The following KCNH1 variants were observed in gnomAD, a reference collection of about 807,000 sequenced individuals.
The protein encoded by KCNH1 is potassium voltage-gated channel subfamily H member 1.
A neutral mutation model predicts 69.2 loss-of-function variants in KCNH1; 27 were observed. The observed-to-expected ratio is 0.39, with a 90% confidence interval of 0.29 to 0.54. The LOEUF (loss-of-function observed/expected upper bound fraction) is 0.54. Ranked by LOEUF, KCNH1 falls within the 20% of genes least tolerant of loss-of-function variation. KCNH1 has a pLI of 0.68. For synonymous variants in KCNH1, 456 were observed against 487.7 expected, an observed-to-expected ratio of 0.93 and a Z score of 0.86; for missense variants, 798 against 1,261.6, an observed-to-expected ratio of 0.63 and a Z score of 5.57.
At chr1:211,108,506 C>T (rs537442903) in intron 1 of KCNH1, 2 of 152,150 alleles carry the variant, frequency 1.3e-5, no homozygotes, top group South Asian at 4.1e-4. Flanking sequence ...GGTAACCATC[C>T]CTTCAGATAG....
At chr1:210,815,157 A>G (rs1684788052) in intron 7 of KCNH1, among the ~76,000 whole-genome samples, 1 of 152,204 alleles carries the variant, frequency 6.6e-6, no homozygotes, top group South Asian at 2.1e-4. Flanking sequence ...TGAGACCGAG[A>G]AATTTGTTCT....
At chr1:211,066,358 T>C (rs1690530843) in intron 5 of KCNH1, among the ~76,000 whole-genome samples, 1 of 152,202 alleles carries the variant, frequency 6.6e-6, no homozygotes, top group Admixed American at 6.5e-5. Context: ...TGGATGTTTT[T>C]GGATTTTGGA....
At chr1:210,752,793 C>G (rs1419178645) in intron 10 of KCNH1, among the ~76,000 whole-genome samples, 1 of 152,066 alleles carries the variant, frequency 6.6e-6, no homozygotes, top group Admixed American at 6.5e-5. Flanking sequence ...ACCCTGGTAC[C>G]TATGAATGTG....
intron 6 of KCNH1, among the ~76,000 whole-genome samples, chr1:211,016,193 T>G (rs1689486954): frequency 6.6e-6 from 1 of 152,146 alleles, no homozygotes; most frequent in African/African-American, 2.4e-5. Flanking sequence ...TACAGTTTGT[T>G]TGGAAGGAGT....
chr1:210,984,807 T>G (rs1688796183), intron 6 of KCNH1, among the ~76,000 whole-genome samples: 1 of 152,186 alleles, frequency 6.6e-6, no homozygotes, highest in South Asian at 2.1e-4. Flanking sequence ...ATAAAATGAG[T>G]TAGGGAGGAT....
chr1:210,998,015 C>T (rs978086770), intron 6 of KCNH1, among the ~76,000 whole-genome samples: 1 of 152,110 alleles, frequency 6.6e-6, no homozygotes, highest in Non-Finnish European at 1.5e-5. Flanking sequence ...GAAGGAAGCA[C>T]TAAACATGGA....
At chr1:211,072,488 A>G (rs1426938701) in intron 5 of KCNH1, among the ~76,000 whole-genome samples, 1 of 152,220 alleles carries the variant, frequency 6.6e-6, no homozygotes, top group Non-Finnish European at 1.5e-5. Context: ...ATTTTTAACT[A>G]ATCTAACAGA....
intron 6 of KCNH1, among the ~76,000 whole-genome samples, chr1:210,962,501 T>C (rs1177586278): frequency 1.3e-5 from 2 of 152,148 alleles, no homozygotes; most frequent in Non-Finnish European, 2.9e-5. Context: ...ACACACTATA[T>C]GTTATGCAAT....
intron 10 of KCNH1, among the ~76,000 whole-genome samples, chr1:210,697,671 G>A (rs1681674622): frequency 6.6e-6 from 1 of 152,254 alleles, no homozygotes; most frequent in African/African-American, 2.4e-5. Flanking sequence ...TTGCCATGGC[G>A]GGTGGGGGAG....
chr1:211,070,372 C>T (rs866273623), intron 5 of KCNH1, among the ~76,000 whole-genome samples: 5 of 150,740 alleles, frequency 3.3e-5, no homozygotes, highest in South Asian at 2.1e-4. Flanking sequence ...GAGCCAAGAT[C>T]GCACCACCGC....
At chr1:210,947,470 G>A (rs886635325) in intron 6 of KCNH1, among the ~76,000 whole-genome samples, 1 of 151,844 alleles carries the variant, frequency 6.6e-6, no homozygotes, top group Non-Finnish European at 1.5e-5. Flanking sequence ...AGCTACTCGG[G>A]AGGCTGAGGC....
intron 6 of KCNH1, among the ~76,000 whole-genome samples, chr1:210,994,852 T>C (rs1220682927): frequency 6.6e-6 from 1 of 152,196 alleles, no homozygotes; most frequent in Non-Finnish European, 1.5e-5. Flanking sequence ...TAGAGTAGAC[T>C]TGGGCAGATG....
At chr1:210,885,445 C>T (rs1686583014) in intron 7 of KCNH1, among the ~76,000 whole-genome samples, 1 of 152,158 alleles carries the variant, frequency 6.6e-6, no homozygotes, top group Admixed American at 6.5e-5. Context: ...GTGCCTATAC[C>T]ACCAGGGCCC....
chr1:210,695,012 C>G (rs1310744189), intron 10 of KCNH1, among the ~76,000 whole-genome samples: 1 of 152,218 alleles, frequency 6.6e-6, no homozygotes, highest in East Asian at 1.9e-4. Context: ...ATGGGGGCAG[C>G]GCCCATATAG....
chr1:211,028,877 T>G (rs937008403), intron 5 of KCNH1, among the ~76,000 whole-genome samples: 1 of 151,864 alleles, frequency 6.6e-6, no homozygotes. Flanking sequence ...TAAAAGAAAA[T>G]AGAAGCAGAG....
chr1:211,018,299 T>A (rs1689527743), intron 6 of KCNH1, among the ~76,000 whole-genome samples: 1 of 152,168 alleles, frequency 6.6e-6, no homozygotes, highest in African/African-American at 2.4e-5. Flanking sequence ...AGCAAAGAAA[T>A]AACTCATCTC....
At chr1:210,979,354 A>C (rs12084848) in intron 6 of KCNH1, among the ~76,000 whole-genome samples, 13,084 of 152,262 alleles carry the variant, frequency 0.086, 1,562 homozygotes, top group African/African-American at 0.27. Context: ...TAGAACACTG[A>C]AATTGTTATT....
chr1:210,683,138 G>C lies in KCNH1; in HGVS notation c.*143C>G, dbSNP rs1681312634. 2.5e-6 allele frequency: 2 copies of C among 784,500 alleles called. No individual in the cohort carries two copies. Among genetic ancestry groups the C allele is most frequent in the Non-Finnish European group, 4.1e-6 (2 of 483,424 alleles). 48.6% of individuals were successfully genotyped at this position (784,500 alleles called of 1,614,324 possible). On this transcript the variant is annotated 3_prime_UTR_variant, in exon 11 of 11. Coordinates refer to ENST00000271751, the MANE Select transcript of KCNH1 (RefSeq NM_172362.3). The surrounding 1 kb of genome is among the most constrained non-coding windows in gnomAD (Gnocchi z 5.7). Reference sequence around the variant, plus strand: ...ATATCTTTTTCCAGATAGAGAAAGAGCACGTCTAAGCCACTGGCCCCACTT... The same window carrying C: ...ATATCTTTTTCCAGATAGAGAAAGACCACGTCTAAGCCACTGGCCCCACTT...
chr1:211,032,441 C>T (rs1689806074), intron 5 of KCNH1, among the ~76,000 whole-genome samples: 1 of 152,174 alleles, frequency 6.6e-6, no homozygotes, highest in South Asian at 2.1e-4. Flanking sequence ...CAAAAAAGAG[C>T]CGGCATTGCC....
Sources: gnomAD v4.1 joint callset for allele counts (sites outside exome capture counted in the v4.1 genomes callset) on GRCh38, gnomAD v4.1.1 for gene constraint, Gnocchi (gnomAD v3.1) non-coding constraint, MANE v1.5 for transcripts, NCBI Gene and HGNC (gene_info 2026-07-23, HGNC 2026-07-21) for gene names.